VEGFC: variants seen among roughly 807,000 people sequenced by gnomAD.
The protein encoded by VEGFC is FLT4 ligand DHM.
In VEGFC, 12 loss-of-function variants were observed where a neutral mutation model predicts 46.1. The observed-to-expected ratio is 0.26, with a 90% CI of 0.17 to 0.42. The LOEUF is 0.42. Ranked by LOEUF, VEGFC falls within the 10% of genes least tolerant of loss-of-function variation. VEGFC has a pLI of 1.00. For missense variants in VEGFC, 488 were observed against 529.4 expected (o/e 0.92, Z 0.77); for synonymous variants, 232 against 195.5 (o/e 1.19, Z -1.56).
intron 1 of VEGFC, among the ~76,000 whole-genome samples, chr4:176,733,712 C>T (rs2111022726): frequency 6.6e-6 from 1 of 151,728 alleles, no homozygotes; most frequent in South Asian, 2.1e-4. Flanking sequence ...TCAAAACTCG[C>T]TATAAACAGT....
At chr4:176,740,357 T>TTA (rs1470382648) in intron 1 of VEGFC, among the ~76,000 whole-genome samples, 1 of 119,920 alleles carries the variant, frequency 8.3e-6, no homozygotes, top group African/African-American at 3.4e-5. Flanking sequence ...TTATATATAG[T>TTA]TATATATATT....
intron 1 of VEGFC, among the ~76,000 whole-genome samples, chr4:176,772,573 A>G (rs1336087852): frequency 6.6e-6 from 1 of 152,210 alleles, no homozygotes; most frequent in African/African-American, 2.4e-5. Context: ...TACAGCGTGA[A>G]TGTGTTCCCC....
At chr4:176,766,586 C>T (rs1156637704) in intron 1 of VEGFC, among the ~76,000 whole-genome samples, 3 of 137,496 alleles carry the variant, frequency 2.2e-5, no homozygotes, top group Non-Finnish European at 1.6e-5. Flanking sequence ...CACTCTGTCT[C>T]AAAAAAAAAA....
At chr4:176,722,489 TTTTTTTTTTG>T (rs1734805023) in intron 3 of VEGFC, among the ~76,000 whole-genome samples, 2 of 18,614 alleles carry the variant, frequency 1.1e-4, no homozygotes, top group Admixed American at 1.1e-3. Context: ...TTTTCTTTTG[TTTTTTTTTTG>T]TTTTTTTTTT....
chr4:176,767,870 C>A (rs1021351098), intron 1 of VEGFC, among the ~76,000 whole-genome samples: 1 of 152,090 alleles, frequency 6.6e-6, no homozygotes, highest in African/African-American at 2.4e-5. Flanking sequence ...GTAAACAGAA[C>A]GCTGCCCTGA....
chr4:176,784,189 C>T (rs1735962426), intron 1 of VEGFC, among the ~76,000 whole-genome samples: 1 of 151,686 alleles, frequency 6.6e-6, no homozygotes, highest in African/African-American at 2.4e-5. Context: ...TCACCTCAGC[C>T]TCCAGAGTAG....
At chr4:176,789,295 CG>C (rs2110959004) in intron 1 of VEGFC, among the ~76,000 whole-genome samples, 1 of 152,296 alleles carries the variant, frequency 6.6e-6, no homozygotes, top group South Asian at 2.1e-4. Flanking sequence ...TAGAGATCTA[CG>C]GGTCTTAGAC....
intron 3 of VEGFC, among the ~76,000 whole-genome samples, chr4:176,722,325 G>T (rs1734801180): frequency 6.6e-6 from 1 of 151,954 alleles, no homozygotes; most frequent in Non-Finnish European, 1.5e-5. Context: ...ATGAAATACA[G>T]CAAGAAAAGA....
chr4:176,780,072 G>A (rs1261044406), intron 1 of VEGFC, among the ~76,000 whole-genome samples: 2 of 152,108 alleles, frequency 1.3e-5, no homozygotes, highest in African/African-American at 4.8e-5. Context: ...GCATTTTACA[G>A]GGGTATCTAT....
intron 1 of VEGFC, among the ~76,000 whole-genome samples, chr4:176,773,560 A>C (rs1735757727): frequency 6.6e-6 from 1 of 152,152 alleles, no homozygotes; most frequent in Non-Finnish European, 1.5e-5. Context: ...AAAATTTTAG[A>C]GAAGGAGACC....
At chr4:176,721,020 G>A (rs528439326) in intron 3 of VEGFC, among the ~76,000 whole-genome samples, 4 of 152,116 alleles carry the variant, frequency 2.6e-5, no homozygotes, top group Non-Finnish European at 2.9e-5. Context: ...TAGATACATC[G>A]AGATACGGGA....
At chr4:176,756,651 A>G (rs1313045585) in intron 1 of VEGFC, among the ~76,000 whole-genome samples, 5 of 152,074 alleles carry the variant, frequency 3.3e-5, no homozygotes, top group African/African-American at 1.2e-4. Context: ...TCATCCATAC[A>G]GAGTTTGGAT....
At chr4:176,776,034 A>C (rs1735808418) in intron 1 of VEGFC, among the ~76,000 whole-genome samples, 1 of 152,196 alleles carries the variant, frequency 6.6e-6, no homozygotes, top group Admixed American at 6.5e-5. Flanking sequence ...CAGCCAAGCA[A>C]AGAATGTTAG....
At chr4:176,725,594 A>C (rs887025593) in intron 3 of VEGFC, among the ~76,000 whole-genome samples, 5 of 152,230 alleles carry the variant, frequency 3.3e-5, no homozygotes, top group African/African-American at 9.6e-5. Flanking sequence ...AACAGTATCC[A>C]AAGTACCTTG....
At chr4:176,690,588 T>C (rs1373916269) in intron 4 of VEGFC, among the ~76,000 whole-genome samples, 3 of 151,642 alleles carry the variant, frequency 2.0e-5, no homozygotes, top group Non-Finnish European at 4.4e-5. Flanking sequence ...TTGTTCTAGA[T>C]AAAATGCAGA....
At chr4:176,745,319 G>A (rs77176678) in intron 1 of VEGFC, among the ~76,000 whole-genome samples, 1 of 152,078 alleles carries the variant, frequency 6.6e-6, no homozygotes, top group African/African-American at 2.4e-5. Flanking sequence ...TCAACTCCCA[G>A]GTCCATCTCC....
chr4:176,764,090 T>G (rs917772240), intron 1 of VEGFC, among the ~76,000 whole-genome samples: 1 of 151,830 alleles, frequency 6.6e-6, no homozygotes, highest in African/African-American at 2.4e-5. Context: ...CTAGAAAATA[T>G]GAGATGAAAC....
At chr4:176,731,600 G>C (rs531736801) in intron 1 of VEGFC, among the ~76,000 whole-genome samples, 2 of 151,770 alleles carry the variant, frequency 1.3e-5, no homozygotes, top group East Asian at 3.9e-4. Flanking sequence ...GGAGCAATAG[G>C]GACCTGTGTG....
intron 1 of VEGFC, among the ~76,000 whole-genome samples, chr4:176,786,321 T>C (rs1736001812): frequency 6.6e-6 from 1 of 152,246 alleles, no homozygotes. Flanking sequence ...CTTAAAGCTC[T>C]TGACTTTTGC....
Sources: allele counts gnomAD v4.1 joint callset (sites outside exome capture counted in the v4.1 genomes callset), GRCh38; gene constraint gnomAD v4.1.1; transcripts MANE v1.5; gene names NCBI Gene and HGNC (gene_info 2026-07-23, HGNC 2026-07-21).